Variants in DOK7 observed in about 807,000 individuals in gnomAD.
The protein encoded by DOK7 is protein Dok-7.
Under a neutral mutation model 30.7 loss-of-function variants are expected in DOK7, and 32 were observed. That is an observed-to-expected ratio of 1.04 (90% CI 0.79 to 1.40). The LOEUF (loss-of-function observed/expected upper bound fraction) is 1.40, where lower values mean the gene tolerates loss of function less well. DOK7 is among the 40% of genes most tolerant of loss of function. The probability of loss-of-function intolerance (pLI) is 0.00; values close to 1 mark genes in which losing one functional copy is unlikely to be tolerated. For missense variants in DOK7, 1,007 were observed against 699.2 expected (o/e 1.44, Z -4.97); for synonymous variants, 447 against 324.1 (o/e 1.38, Z -4.07).
rs566411256 is a variant in DOK7 at position 3,468,616 on chromosome 4, TTGTG to T, written c.101-4785_101-4782del. On this transcript the variant is annotated intron_variant, in intron 2 of 6. Transcript: ENST00000340083. ...TGCGTGTATTGGTGTGTGCGTGCCT[TTGTG>T]TGTGCGTGTGTATATGCCTGTGTGT... 9.0e-4 allele frequency among the ~76,000 whole-genome samples: 118 copies of T among 131,504 alleles called. 1 individual carries two copies. Among genetic ancestry groups the T allele is most frequent in the South Asian group, 2.7e-3 (11 of 4,006 alleles). The allele number at this position is 131,504 out of a possible 152,430, so 86.3% of individuals were successfully genotyped here. A position where few individuals can be genotyped will look rare whatever the true frequency, so the allele number is the denominator to read the frequency against.
intron 5 of DOK7, 102 bp downstream of exon 5, chr4:3,485,760 C>G: frequency 7.5e-7 from 1 of 1,338,606 alleles, no homozygotes; most frequent in African/African-American, 1.5e-5. Flanking sequence ...AGTTAGATGG[C>G]CAGCCTCCCC....
Position 3,473,629 on chromosome 4 carries a change from C to T in DOK7, c.324C>T (p.Leu108=), listed in dbSNP as rs775497520. 1.1e-5 allele frequency: 17 copies of T among 1,568,538 alleles called. No homozygotes were observed. The highest frequency in any genetic ancestry group is 4.1e-5 in the African/African-American group (3 of 73,864). ...GGGATGCCCGGATCCGCTATGCGCT[C>T]GGCGAGGGTGAGTGACGGGGGCCGG... ...CAWDARIRYA[L]GEVHRFHVTV... is the part of the protein sequence containing the mutation. Residue 108 remains leucine (L), a synonymous_variant, in exon 3 of 7, where the codon CTC becomes CTT. Coordinates refer to ENST00000340083, the MANE Select transcript of DOK7 (RefSeq NM_173660.5).
chr4:3,491,759 A>G (rs938909809), intron 6 of DOK7, among the ~76,000 whole-genome samples: 1 of 152,258 alleles, frequency 6.6e-6, no homozygotes, highest in Non-Finnish European at 1.5e-5. Flanking sequence ...GCCCAGGAGC[A>G]GAGGCACCTC....
chr4:3,480,955 C>A (rs918097566), intron 4 of DOK7, among the ~76,000 whole-genome samples: 1 of 152,092 alleles, frequency 6.6e-6, no homozygotes, highest in Non-Finnish European at 1.5e-5. Context: ...GAGGGGCGAG[C>A]CTCAGGGGAC....
At position 3,500,839 on chromosome 4, in the gene DOK7, G is replaced by T. The variant is rs1297932637; in HGVS notation, c.*14G>T. On this transcript the variant is annotated 3_prime_UTR_variant, in exon 8 of 8. Transcript: ENST00000643608. ...GCCCCGCAGTGAGGTCACAGCGCCA[G>T]GAGCTGACCGCAAACCCGGTGCGCT... The T allele has an allele frequency of 1.2e-5, 19 of 1,523,438 alleles. No individual in the cohort carries two copies. The South Asian group carries it at 2.2e-4, about 17-fold the overall frequency. 94.4% of individuals were successfully genotyped at this position (1,523,438 alleles called of 1,614,324 possible). A position where few individuals can be genotyped will look rare whatever the true frequency, so the allele number is the denominator to read the frequency against.
rs113597595 is a variant in DOK7 at position 3,500,055 on chromosome 4, TG to T, written c.1109-188del. 0.57 allele frequency among the ~76,000 whole-genome samples: 80,596 copies of T among 142,340 alleles called. 22,990 individuals are homozygous for T. The highest frequency in any genetic ancestry group is 0.92 in the East Asian group (4,533 of 4,922). 93.4% of individuals were successfully genotyped at this position (142,340 alleles called of 152,430 possible). ...GTACTTGGACCAGGAGTGGACAGTGTGGGGGGGGCCTCAGGATGGGGCAGCG... is the reference window on the plus strand; with the variant it reads ...GTACTTGGACCAGGAGTGGACAGTGTGGGGGGGCCTCAGGATGGGGCAGCG... On this transcript the variant is annotated intron_variant, in intron 6 of 7. Coordinates refer to the DOK7 transcript ENST00000643608.
At position 3,476,508 on chromosome 4, in the gene DOK7, A is replaced by G; in HGVS notation, c.498A>G (p.Gly166=). The change falls in exon 4 of 7, where the codon GGA becomes GGG. Residue 166 remains glycine, a synonymous_variant. Transcript: ENST00000340083. ...GGCGCTACGGGGCCGTGCCAAGCGG[A>G]TTCATCTTTGAAGGCGGGACCAGGT... ...DLRRYGAVPS[G]FIFEGGTRCG... The G allele has an allele frequency of 6.2e-7, 1 of 1,613,758 alleles. No individual in the cohort carries two copies. Among genetic ancestry groups the G allele is most frequent in the South Asian group, 1.1e-5 (1 of 91,060 alleles).
Position 3,493,121 on chromosome 4 carries a change from G to T in DOK7, c.1135G>T (p.Gly379Trp). The change falls in exon 7 of 7, where the codon GGG becomes TGG. Residue 379 changes from glycine to tryptophan, a missense_variant. Coordinates refer to ENST00000340083, the MANE Select transcript of DOK7 (RefSeq NM_173660.5). The part of the protein sequence containing the change: ...LGSLLSLPAA[G>W]APEPSLCTCL... ...CTCACTGCTCAGCCTGCCAGCAGCG[G>T]GGGCCCCCGAGCCCAGCCTGTGCAC... 1 of 1,592,490 alleles carries T rather than the reference G, an allele frequency of 6.3e-7. No individual in the cohort carries two copies. Among genetic ancestry groups the T allele is most frequent in the East Asian group, 2.3e-5 (1 of 43,600 alleles).
intron 6 of DOK7, among the ~76,000 whole-genome samples, chr4:3,490,110 C>CATTCATTCCTTTCTTCACCCCCT (rs1553848870): frequency 5.7e-5 from 3 of 52,770 alleles, no homozygotes; most frequent in African/African-American, 9.0e-5. Context: ...TTCTTCACCC[C>CATTCATTCCTTTCTTCACCCCCT]CATTCATTCC....
chr4:3,485,172 G>GGGGCACCCATCTGTCCAGGGCA (rs1265091770), intron 4 of DOK7, among the ~76,000 whole-genome samples: 1 of 152,200 alleles, frequency 6.6e-6, no homozygotes. Flanking sequence ...TATGTGGGCG[G>GGGGCACCCATCTGTCCAGGGCA]GGGCACCCAT....
chr4:3,480,695 G>C (rs1259721205), intron 4 of DOK7, among the ~76,000 whole-genome samples: 1 of 152,238 alleles, frequency 6.6e-6, no homozygotes, highest in African/African-American at 2.4e-5. Context: ...AGAGCCCCCT[G>C]CCGGCCACCT....
chr4:3,500,830 A>G, exon 8 of DOK7: 1 of 1,528,858 alleles, frequency 6.5e-7, no homozygotes, highest in Non-Finnish European at 8.7e-7. Context: ...CAGTGAGGTC[A>G]CAGCGCCAGG....
chr4:3,484,419 A>G (rs1881805), intron 4 of DOK7: 494,465 of 886,596 alleles, frequency 0.56, 139,726 homozygotes, highest in East Asian at 0.93. Context: ...ACTCCTGCCC[A>G]CCCCGGCGCC....
intron 6 of DOK7, among the ~76,000 whole-genome samples, chr4:3,490,383 C>CT (rs1553849037): frequency 3.2e-3 from 88 of 27,852 alleles, no homozygotes; most frequent in East Asian, 0.011. Flanking sequence ...TCCCCCCACC[C>CT]CCTGCTCATT....
At chr4:3,486,002 G>A (rs962262676) in intron 5 of DOK7, among the ~76,000 whole-genome samples, 2 of 152,200 alleles carry the variant, frequency 1.3e-5, no homozygotes, top group Middle Eastern at 3.2e-3. Context: ...CATCTTCCAC[G>A]CCCAGGAGCA....
In DOK7 at chr4:3,476,387, G is replaced by C; in HGVS notation, c.377G>C (p.Ser126Thr). The C allele has an allele frequency of 6.2e-7, 1 of 1,612,742 alleles. No homozygotes were observed. The highest frequency in any genetic ancestry group is 8.5e-7 in the Non-Finnish European group (1 of 1,179,910). Residue 126 changes from serine (S) to threonine (T), a missense_variant, in exon 4 of 7, where the codon AGC becomes ACC. Transcript: ENST00000340083. ...VTVAPGTKLE[S>T]GPATLHLCND... Reference sequence around the variant, plus strand: ...GTGGCTCCAGGCACCAAGTTGGAGAGCGGCCCGGCTACCCTGCACCTCTGC... The same window carrying C: ...GTGGCTCCAGGCACCAAGTTGGAGACCGGCCCGGCTACCCTGCACCTCTGC...
intron 2 of DOK7, among the ~76,000 whole-genome samples, chr4:3,467,297 G>T (rs1320160570): frequency 4.9e-5 from 4 of 81,102 alleles, no homozygotes; most frequent in Non-Finnish European, 7.5e-5. Context: ...CTTCCCTCCC[G>T]CCCTCCCCGG....
chr4:3,493,019 C>T lies in DOK7; in HGVS notation c.1033C>T (p.His345Tyr), dbSNP rs548282281. 40 of 1,568,384 alleles carry T rather than the reference C, an allele frequency of 2.6e-5. No individual in the cohort carries two copies. Among genetic ancestry groups the T allele is most frequent in the Non-Finnish European group, 3.3e-5 (38 of 1,161,962 alleles). Residue 345 changes from histidine (H) to tyrosine (Y), a missense_variant, in exon 7 of 7, where the codon CAC becomes TAC. Transcript: ENST00000340083. ...SSDSGIATGS[H>Y]SSYSSSLSSY... Reference sequence around the variant, plus strand: ...GGACAGCGGCATCGCCACTGGCAGCCACTCCTCTTACTCCAGCAGCCTCTC... The same window carrying T: ...GGACAGCGGCATCGCCACTGGCAGCTACTCCTCTTACTCCAGCAGCCTCTC...
At chr4:3,491,523 T>C (rs1334026962) in intron 6 of DOK7, among the ~76,000 whole-genome samples, 2 of 142,474 alleles carry the variant, frequency 1.4e-5, no homozygotes, top group Non-Finnish European at 3.1e-5. Context: ...TTCTGTCTGT[T>C]CATTCATTTC....
Sources: allele counts gnomAD v4.1 joint callset (sites outside exome capture counted in the v4.1 genomes callset), GRCh38; gene constraint gnomAD v4.1.1; transcripts MANE v1.5; gene names NCBI Gene and HGNC (gene_info 2026-07-23, HGNC 2026-07-21).